DLGAP2: variants seen among roughly 807,000 people sequenced by gnomAD.
The protein encoded by DLGAP2 is DLG associated protein 2.
Under a neutral mutation model 100.3 loss-of-function variants are expected in DLGAP2, and 26 were observed. That is an observed-to-expected ratio of 0.26 (90% CI 0.19 to 0.36). The LOEUF is 0.36. DLGAP2 is among the 10% of genes least tolerant of loss of function. DLGAP2 has a pLI of 1.00. For synonymous variants in DLGAP2, 886 were observed against 630.1 expected (o/e 1.41, Z -6.08); for missense variants, 1,858 against 1,453.2 (o/e 1.28, Z -4.53).
chr8:1,343,102 G>A (rs943285339), intron 3 of DLGAP2, among the ~76,000 whole-genome samples: 3 of 152,182 alleles, frequency 2.0e-5, no homozygotes, highest in African/African-American at 7.2e-5. Context: ...TTAGTAGATG[G>A]TGCTTAATTA....
intron 5 of DLGAP2, among the ~76,000 whole-genome samples, chr8:1,562,531 A>T (rs1296410779): frequency 3.3e-5 from 1 of 30,138 alleles, no homozygotes; most frequent in Non-Finnish European, 5.9e-5. Context: ...GCGCCTCGTT[A>T]CTGGGGGACT....
rs560308082 is a variant in DLGAP2 at position 1,150,774 on chromosome 8, G to A, written c.74-108077G>A. Among the ~76,000 whole-genome samples, 7 of 152,232 alleles carry A rather than the reference G, an allele frequency of 4.6e-5. No individual in the cohort carries two copies. The South Asian group carries it at 1.0e-3, about 23-fold the overall frequency. On this transcript the variant is annotated intron_variant, in intron 2 of 14. Transcript: ENST00000637795. ...CATACATGTCAGACTCAAAAACATA[G>A]ATGAGTTCTTAAAAACTGAAAAAAA...
chr8:917,830 C>T (rs188141842), intron 2 of DLGAP2, among the ~76,000 whole-genome samples: 11 of 152,234 alleles, frequency 7.2e-5, no homozygotes, highest in South Asian at 2.1e-4. Flanking sequence ...CCGCCTGCCT[C>T]GGCCTCCTAG....
Position 1,303,402 on chromosome 8 carries a change from C to CAAAAAAAAA in DLGAP2, c.106+44536_106+44544dup, listed in dbSNP as rs374350701. Among the ~76,000 whole-genome samples the CAAAAAAAAA allele has an allele frequency of 1.7e-4, 21 of 125,328 alleles. 1 individual carries two copies. The highest frequency in any genetic ancestry group is 2.8e-4 in the East Asian group (1 of 3,616). 82.2% of individuals were successfully genotyped at this position (125,328 alleles called of 152,430 possible). On this transcript the variant is annotated intron_variant, in intron 3 of 14. Transcript: ENST00000637795. ...ACAGAGCGAGACTCCGTCTCAAAAACAAAAAAAAAAAAAAAAAAAAAAAAA... is the reference window on the plus strand; with the variant it reads ...ACAGAGCGAGACTCCGTCTCAAAAACAAAAAAAAAAAAAAAAAAAAAAAAAAAAAAAAAA...
Position 1,022,117 on chromosome 8 carries a change from G to C in DLGAP2, c.73+114151G>C, listed in dbSNP as rs183353493. Among the ~76,000 whole-genome samples the C allele has an allele frequency of 8.7e-4, 132 of 152,294 alleles. 1 individual carries two copies. Among genetic ancestry groups the C allele is most frequent in the African/African-American group, 2.8e-3 (117 of 41,554 alleles). On this transcript the variant is annotated intron_variant, in intron 2 of 14. Transcript: ENST00000637795. ...GAAGCCCAGACAGCACCCAATGCCC[G>C]TCTGAGGGCCATGTCCGAGCCACAC...
chr8:1,533,091 T>G (rs75772175), intron 4 of DLGAP2, among the ~76,000 whole-genome samples: 1 of 151,708 alleles, frequency 6.6e-6, no homozygotes, highest in Non-Finnish European at 1.5e-5. Flanking sequence ...CCGAAGAAAT[T>G]TGTCATGTTA....
intron 6 of DLGAP2, among the ~76,000 whole-genome samples, chr8:1,624,708 C>T (rs112455974): frequency 3.9e-5 from 6 of 152,028 alleles, no homozygotes; most frequent in South Asian, 2.1e-4. Context: ...GTGCTGGTGC[C>T]GGTCCCCACA....
intron 1 of DLGAP2, among the ~76,000 whole-genome samples, chr8:746,266 T>A (rs1176999981): frequency 1.3e-5 from 2 of 152,254 alleles, no homozygotes; most frequent in East Asian, 3.8e-4. Context: ...ATATCTGGCA[T>A]CTGTTGAACG....
intron 4 of DLGAP2, among the ~76,000 whole-genome samples, chr8:1,512,102 C>G (rs545208530): frequency 2.0e-5 from 3 of 152,172 alleles, no homozygotes; most frequent in African/African-American, 7.2e-5. Context: ...GGCTGAGGGC[C>G]GACGGCCTCC....
At chr8:1,049,903 TGCAG>T (rs1170509464) in intron 2 of DLGAP2, among the ~76,000 whole-genome samples, 1 of 152,196 alleles carries the variant, frequency 6.6e-6, no homozygotes, top group Non-Finnish European at 1.5e-5. Flanking sequence ...TACACACATG[TGCAG>T]GCAGGCAGAC....
chr8:1,380,078 G>C (rs969059656), intron 3 of DLGAP2: 2 of 152,236 alleles, frequency 1.3e-5, no homozygotes, highest in African/African-American at 2.4e-5. Context: ...TGGGGCAGGG[G>C]CTGCCTGTTC....
At chr8:1,419,883 C>T (rs576947828) in intron 3 of DLGAP2, among the ~76,000 whole-genome samples, 27 of 152,294 alleles carry the variant, frequency 1.8e-4, no homozygotes, top group African/African-American at 6.0e-4. Context: ...ATCAGAGCTG[C>T]ACCATTCACA....
intron 4 of DLGAP2, among the ~76,000 whole-genome samples, chr8:1,515,263 G>C (rs1314879717): frequency 6.6e-6 from 1 of 152,126 alleles, no homozygotes; most frequent in East Asian, 1.9e-4. Flanking sequence ...TCTTTCTTTT[G>C]AAGGGAAAAA....
intron 3 of DLGAP2, among the ~76,000 whole-genome samples, chr8:1,449,122 C>G (rs997424947): frequency 9.2e-5 from 14 of 152,202 alleles, no homozygotes; most frequent in African/African-American, 3.4e-4. Flanking sequence ...TTATTAATTC[C>G]TGTTCTCTTT....
chr8:1,031,972 G>T (rs981212460), intron 2 of DLGAP2, among the ~76,000 whole-genome samples: 1 of 152,206 alleles, frequency 6.6e-6, no homozygotes. Context: ...GCATTCTAGC[G>T]AATCCCCAGG....
chr8:1,343,715 G>GT (rs1023937658), intron 3 of DLGAP2, among the ~76,000 whole-genome samples: 2 of 151,844 alleles, frequency 1.3e-5, no homozygotes, highest in Admixed American at 1.3e-4. Context: ...GGTCGTGGGG[G>GT]GTGTTAGAGG....
intron 2 of DLGAP2, among the ~76,000 whole-genome samples, chr8:925,332 G>C (rs1383315191): frequency 6.6e-6 from 1 of 152,054 alleles, no homozygotes; most frequent in South Asian, 2.1e-4. Context: ...ATGTTGCCGA[G>C]GCTGGTCTTG....
At chr8:890,584 C>G (rs539902666) in intron 1 of DLGAP2, among the ~76,000 whole-genome samples, 2 of 151,970 alleles carry the variant, frequency 1.3e-5, no homozygotes, top group Non-Finnish European at 2.9e-5. Flanking sequence ...CTTCCCTCTG[C>G]GGCTGCGTAA....
chr8:1,539,290 G>C (rs1191853464), intron 4 of DLGAP2, among the ~76,000 whole-genome samples: 2 of 152,226 alleles, frequency 1.3e-5, no homozygotes, highest in East Asian at 1.9e-4. Flanking sequence ...AATCGCTGCT[G>C]TTGGCCGGAT....
Sources: allele counts gnomAD v4.1 joint callset (sites outside exome capture counted in the v4.1 genomes callset), GRCh38; gene constraint gnomAD v4.1.1; transcripts MANE v1.5; gene names NCBI Gene and HGNC (gene_info 2026-07-23, HGNC 2026-07-21).